LRRC51: variants seen among roughly 807,000 people sequenced by gnomAD.
The protein encoded by LRRC51 is leucine rich repeat containing 51.
LRRC51 carries 8 observed loss-of-function variants against 17.8 expected under a neutral mutation model. The observed-to-expected ratio is 0.45, with a 90% CI of 0.26 to 0.81. LRRC51 has a LOEUF of 0.81. LRRC51 is among the 30% of genes least tolerant of loss of function. LRRC51 has a pLI of 0.17. For synonymous variants in LRRC51, 92 were observed against 96.0 expected, an observed-to-expected ratio of 0.96 and a Z score of 0.24; for missense variants, 233 against 239.3, an observed-to-expected ratio of 0.97 and a Z score of 0.17.
At position 72,095,162 on chromosome 11, in the gene LRRC51, CAAG is replaced by C. The variant is rs1290148270; in HGVS notation, c.437+69_437+71del. ...CCCTAAAGGAAAGGAGGAGGAGAAA[CAAG>C]AAATCTACGACCATTCTTCTGCCAT... is the stretch of plus-strand genomic sequence containing the variant. On this transcript the variant is annotated intron_variant, in intron 5 of 5. Transcript: ENST00000289488. 9 of 1,593,000 alleles carry C rather than the reference CAAG, an allele frequency of 5.6e-6. No homozygotes were observed. The Admixed American group carries it at 1.2e-4, about 22-fold the overall frequency.
In LRRC51 at chr11:72,084,851, A is replaced by AG. The variant is rs57675979; in HGVS notation, c.-139-3446_-139-3445insG. ...GACCTTGTCTCAAAAAAAAAAAAAA[A>AG]AAAGAAAACCGTGTGTGTGTGTGTG... On this transcript the variant is annotated intron_variant, in intron 1 of 5. Transcript: ENST00000289488. Among the ~76,000 whole-genome samples the AG allele has an allele frequency of 2.4e-3, 348 of 146,020 alleles. 4 individuals are homozygous for AG. The highest frequency in any genetic ancestry group is 7.4e-3 in the African/African-American group (283 of 38,070).
At position 72,093,627 on chromosome 11, in the gene LRRC51, T is replaced by G. The variant is rs1565319661; in HGVS notation, c.214T>G (p.Ser72Ala). 2 of 1,614,202 alleles carry G rather than the reference T, an allele frequency of 1.2e-6. No individual in the cohort carries two copies. Among genetic ancestry groups the G allele is most frequent in the Non-Finnish European group, 1.7e-6 (2 of 1,180,040 alleles). Reference sequence around the variant, plus strand: ...TCTGAGAGACTTCAACCAGGTGGCTTCACAGCTGTTGGAGCACCCAGAGAA... The same window carrying G: ...TCTGAGAGACTTCAACCAGGTGGCTGCACAGCTGTTGGAGCACCCAGAGAA... ...NDLRDFNQVASQLLEHPENLA... is the reference protein window; with the variant it reads ...NDLRDFNQVAAQLLEHPENLA... Residue 72 changes from serine (S) to alanine (A), a missense_variant, in exon 4 of 6, where the codon TCA (serine) becomes GCA (alanine). By Grantham distance (99) the Ser-to-Ala change is moderately conservative. Transcript: ENST00000289488.
At chr11:72,089,962 A>C (rs1944762499) in intron 3 of LRRC51, among the ~76,000 whole-genome samples, 1 of 152,206 alleles carries the variant, frequency 6.6e-6, no homozygotes, top group African/African-American at 2.4e-5. Flanking sequence ...GCATCAGTCC[A>C]TCTGTCCTCA....
At position 72,096,571 on chromosome 11, in the gene LRRC51, A is replaced by T; in HGVS notation, c.*1051A>T. The stretch of plus-strand genomic sequence containing the variant: ...CTTATTTTGCTGAAAAAGGGAGGCA[A>T]TTGAGGGAAAGGCCTGCTGGCCTGG... On this transcript the variant is annotated 3_prime_UTR_variant, in exon 6 of 6. Transcript: ENST00000289488. 1 of 1,375,080 alleles carries T rather than the reference A, an allele frequency of 7.3e-7. No homozygotes were observed. The highest frequency in any genetic ancestry group is 2.9e-5 in the East Asian group (1 of 34,996). The allele number at this position is 1,375,080 out of a possible 1,614,324, so 85.2% of individuals were successfully genotyped here. A position where few individuals can be genotyped will look rare whatever the true frequency, so the allele number is the denominator to read the frequency against.
intron 1 of LRRC51, chr11:72,086,172 G>C (rs982373761): frequency 3.9e-6 from 2 of 508,838 alleles, no homozygotes; most frequent in African/African-American, 3.9e-5. Flanking sequence ...GGAAAAGAAA[G>C]GCTTTATAGA....
intron 3 of LRRC51, among the ~76,000 whole-genome samples, chr11:72,090,687 A>G (rs1944806843): frequency 6.6e-6 from 1 of 152,234 alleles, no homozygotes; most frequent in Admixed American, 6.5e-5. Context: ...TAAATATTAC[A>G]GAATCTGAAA....
chr11:72,084,798 T>C (rs926771282), intron 1 of LRRC51, among the ~76,000 whole-genome samples: 6 of 147,256 alleles, frequency 4.1e-5, no homozygotes, highest in South Asian at 2.1e-4. Context: ...GGTAGCACCA[T>C]TGCACTCCAG....
At chr11:72,094,706 C>CA (rs770777448) in intron 4 of LRRC51, 6 of 763,674 alleles carry the variant, frequency 7.9e-6, no homozygotes, top group Non-Finnish European at 1.4e-5. Flanking sequence ...AAGTCAGTGG[C>CA]AGTGCTGGTA....
At chr11:72,095,318 A>G in intron 5 of LRRC51, 61 bp from the exon 6 acceptor site, 3 of 1,612,650 alleles carry the variant, frequency 1.9e-6, no homozygotes, top group East Asian at 4.5e-5. Flanking sequence ...AACAGCAACT[A>G]GTGGAGGGGG....
At chr11:72,089,556 AAG>A (rs1853731537) in intron 3 of LRRC51, 3 of 1,207,578 alleles carry the variant, frequency 2.5e-6, no homozygotes, top group Non-Finnish European at 3.1e-6. Context: ...TTTTTACCTG[AAG>A]AGAGGAGGAA....
In LRRC51 at chr11:72,089,387, C is replaced by T. The variant is rs535172991; in HGVS notation, c.82+222C>T. 1.0e-5 allele frequency: 15 copies of T among 1,463,996 alleles called. No homozygotes were observed. In the South Asian group the frequency reaches 1.8e-4, roughly 18 times the overall value. 90.7% of individuals were successfully genotyped at this position (1,463,996 alleles called of 1,614,324 possible). On this transcript the variant is annotated intron_variant, in intron 3 of 5. Transcript: ENST00000289488. ...ATACAGCCCCAGGAGATCCTAAGAA[C>T]ATGTGCCCCTGTTTGTTTTTTTTAA...
rs1565323269 is a variant in LRRC51 at position 72,096,403 on chromosome 11, T to TAA, written c.*883_*884insAA. Reference sequence around the variant, plus strand: ...GAAGCGTGAGCCACCACGCCCAGCCTTTTTTTGTATTTTTAGTAGAGATGG... The same window carrying TAA: ...GAAGCGTGAGCCACCACGCCCAGCCTAATTTTTTGTATTTTTAGTAGAGATGG... On this transcript the variant is annotated 3_prime_UTR_variant, in exon 6 of 6. Coordinates refer to ENST00000289488, the MANE Select transcript of LRRC51 (RefSeq NM_145309.6). The TAA allele has an allele frequency of 2.2e-6, 1 of 457,682 alleles. No homozygotes were observed. The highest frequency in any genetic ancestry group is 3.0e-6 in the Non-Finnish European group (1 of 338,476). The allele number at this position is 457,682 out of a possible 1,614,324, so 28.4% of individuals were successfully genotyped here.
chr11:72,086,571 A>G (rs1944544619), intron 1 of LRRC51: 1 of 655,830 alleles, frequency 1.5e-6, no homozygotes, highest in South Asian at 1.7e-5. Context: ...ACCTGGTTCT[A>G]TGTTGGATAA....
At chr11:72,089,737 A>C in intron 3 of LRRC51, 1 of 471,132 alleles carries the variant, frequency 2.1e-6, no homozygotes, top group Non-Finnish European at 3.2e-6. Flanking sequence ...AGCCAAATCC[A>C]AGTTTATTCC....
At chr11:72,092,914 A>G (rs1367001147) in intron 3 of LRRC51, among the ~76,000 whole-genome samples, 1 of 152,170 alleles carries the variant, frequency 6.6e-6, no homozygotes, top group Non-Finnish European at 1.5e-5. Flanking sequence ...TTATCACACC[A>G]TGTTGCCAGC....
intron 2 of LRRC51, 27 bp downstream of exon 2, chr11:72,088,407 G>T (rs764953023): frequency 2.8e-6 from 2 of 701,796 alleles, no homozygotes; most frequent in Non-Finnish European, 2.6e-6. Flanking sequence ...CTCTGGTTTT[G>T]TGTGTGTGTA....
chr11:72,089,592 A>T (rs779195348), intron 3 of LRRC51: 29 of 1,188,280 alleles, frequency 2.4e-5, no homozygotes, highest in Admixed American at 3.9e-5. Context: ...GTGGAGTCCC[A>T]GCAAGTAGGC....
intron 1 of LRRC51, chr11:72,086,585 A>G (rs564112956): frequency 1.6e-5 from 10 of 635,388 alleles, no homozygotes; most frequent in South Asian, 3.6e-5. Flanking sequence ...TGGATAATGA[A>G]TAAGATGCGA....
chr11:72,095,455 G>A lies in LRRC51; in HGVS notation c.514G>A (p.Ala172Thr). The A allele has an allele frequency of 6.2e-7, 1 of 1,614,128 alleles. No individual in the cohort carries two copies. Residue 172 changes from alanine to threonine, a missense_variant, in exon 6 of 6, where the codon GCT (alanine) becomes ACT (threonine). By Grantham distance (58) the Ala-to-Thr change is moderately conservative. Coordinates refer to ENST00000289488, the MANE Select transcript of LRRC51 (RefSeq NM_145309.6). Reference protein sequence around the residue: ...SGVTKADRTTAEVWKRMNIKP... With the variant: ...SGVTKADRTTTEVWKRMNIKP... ...GGTCACCAAAGCAGACCGCACCACA[G>A]CTGAAGTCTGGAAACGCATGAACAT... is the stretch of plus-strand genomic sequence containing the variant.
Sources: gnomAD v4.1 joint callset for allele counts (sites outside exome capture counted in the v4.1 genomes callset) on GRCh38, gnomAD v4.1.1 for gene constraint, MANE v1.5 for transcripts, NCBI Gene and HGNC (gene_info 2026-07-23, HGNC 2026-07-21) for gene names.